ZNF93: variants seen among roughly 807,000 people sequenced by gnomAD.
The protein encoded by ZNF93 is zinc finger protein 93.
Under a neutral mutation model 45.0 loss-of-function variants are expected in ZNF93, and 29 were observed. The ratio of observed to expected loss-of-function variants is 0.64; its 90% CI spans 0.48 to 0.88. ZNF93 has a LOEUF of 0.88. Ranked by LOEUF, ZNF93 falls within the 40% of genes least tolerant of loss-of-function variation. The probability of loss-of-function intolerance (pLI) is 0.00; values close to 1 mark genes in which losing one functional copy is unlikely to be tolerated. For missense variants in ZNF93, 578 were observed against 724.0 expected (o/e 0.80, Z 2.31); for synonymous variants, 223 against 244.6 (o/e 0.91, Z 0.82).
At chr19:19,929,305 T>G (rs2063365370) in intron 3 of ZNF93, among the ~76,000 whole-genome samples, 1 of 152,160 alleles carries the variant, frequency 6.6e-6, no homozygotes, top group Non-Finnish European at 1.5e-5. Context: ...CAATTTTTCT[T>G]TATAAATTAT....
chr19:19,927,553 A>G (rs746255030), intron 3 of ZNF93, among the ~76,000 whole-genome samples: 1 of 152,212 alleles, frequency 6.6e-6, no homozygotes, highest in Non-Finnish European at 1.5e-5. Flanking sequence ...AAGATATCTC[A>G]TAAGTGGAAT....
At chr19:19,917,208 G>A (rs887023851) in intron 3 of ZNF93, among the ~76,000 whole-genome samples, 1 of 151,616 alleles carries the variant, frequency 6.6e-6, no homozygotes, top group African/African-American at 2.4e-5. Flanking sequence ...CACTTTTATT[G>A]TAGTTTCATG....
chr19:19,919,177 C>T (rs1332298676), intron 3 of ZNF93, among the ~76,000 whole-genome samples: 6 of 152,202 alleles, frequency 3.9e-5, no homozygotes, highest in Non-Finnish European at 8.8e-5. Context: ...ATGTGGCTAG[C>T]CAGTTTTCCC....
At chr19:19,929,075 T>C (rs1049251635) in intron 3 of ZNF93, among the ~76,000 whole-genome samples, 1 of 152,178 alleles carries the variant, frequency 6.6e-6, no homozygotes, top group Non-Finnish European at 1.5e-5. Flanking sequence ...TGGTACATCC[T>C]CTCGGTAACC....
intron 3 of ZNF93, among the ~76,000 whole-genome samples, chr19:19,925,396 C>T (rs2063353346): frequency 6.6e-6 from 1 of 152,144 alleles, no homozygotes; most frequent in Admixed American, 6.5e-5. Flanking sequence ...CAGTTGTGAA[C>T]CATAATGCCT....
Position 19,931,997 on chromosome 19 carries a change from T to A in ZNF93, c.227-1185T>A, listed in dbSNP as rs1336531182. ...TTGATATAAAAATTATTTTATATGG[T>A]GTATCTACAGGTGCACGCCTGTTAT... On this transcript the variant is annotated intron_variant, in intron 3 of 3. Transcript: ENST00000343769. The A allele has an allele frequency of 7.8e-6, 3 of 386,398 alleles. No individual in the cohort carries two copies. The East Asian group carries it at 3.4e-4, about 43-fold the overall frequency. 23.9% of individuals were successfully genotyped at this position (386,398 alleles called of 1,614,324 possible). A position where few individuals can be genotyped will look rare whatever the true frequency, so the allele number is the denominator to read the frequency against.
At chr19:19,924,162 A>G (rs2063349811) in intron 3 of ZNF93, among the ~76,000 whole-genome samples, 1 of 152,024 alleles carries the variant, frequency 6.6e-6, no homozygotes. Context: ...ATTTCGGCTC[A>G]CTGCAACCTT....
intron 2 of ZNF93, 23 bp downstream of exon 2, chr19:19,915,429 A>T: frequency 1.2e-6 from 2 of 1,605,832 alleles, no homozygotes; most frequent in South Asian, 2.2e-5. Flanking sequence ...TTAATACATA[A>T]TTCATAATAC....
intron 1 of ZNF93, among the ~76,000 whole-genome samples, chr19:19,905,869 G>A (rs926911049): frequency 3.9e-5 from 6 of 152,092 alleles, no homozygotes; most frequent in African/African-American, 1.5e-4. Flanking sequence ...TGGGATTACA[G>A]GCATGAGCCA....
chr19:19,910,274 A>G (rs1158876190), intron 1 of ZNF93, among the ~76,000 whole-genome samples: 1 of 152,188 alleles, frequency 6.6e-6, no homozygotes, highest in African/African-American at 2.4e-5. Context: ...TCAAACTCAG[A>G]CATTAAAATG....
chr19:19,914,762 C>T (rs2063318622), intron 1 of ZNF93: 1 of 384,434 alleles, frequency 2.6e-6, no homozygotes, highest in Admixed American at 3.5e-5. Flanking sequence ...AACACAGGCT[C>T]TTCCACTTAC....
rs2122198889 is a variant in ZNF93, at chr19:19,933,136, T to C, written c.227-46T>C. ...AGGTTAGATTTGTAAAGTATATTTATCTGAGTCTAGCAATTGAAGTAATGT... is the reference window on the plus strand; with the variant it reads ...AGGTTAGATTTGTAAAGTATATTTACCTGAGTCTAGCAATTGAAGTAATGT... On this transcript the variant is annotated intron_variant, in intron 3 of 3. Coordinates refer to ENST00000343769, the MANE Select transcript of ZNF93 (RefSeq NM_031218.4). 3 of 1,382,260 alleles carry C rather than the reference T, an allele frequency of 2.2e-6. No individual in the cohort carries two copies. In the South Asian group the frequency reaches 5.1e-5, roughly 23 times the overall value. The allele number at this position is 1,382,260 out of a possible 1,614,324, so 85.6% of individuals were successfully genotyped here. A position where few individuals can be genotyped will look rare whatever the true frequency, so the allele number is the denominator to read the frequency against.
At chr19:19,905,065 C>G (rs1321360831) in intron 1 of ZNF93, among the ~76,000 whole-genome samples, 1 of 152,196 alleles carries the variant, frequency 6.6e-6, no homozygotes, top group Non-Finnish European at 1.5e-5. Context: ...CTCCACCAAC[C>G]TAGGGTCTGG....
chr19:19,915,151 T>C, intron 1 of ZNF93, 129 bp from the exon 2 acceptor site: 1 of 1,522,628 alleles, frequency 6.6e-7, no homozygotes, highest in Non-Finnish European at 8.9e-7. Flanking sequence ...TTGAAGATTA[T>C]TTTATTGGAT....
chr19:19,924,384 C>G (rs1020794564), intron 3 of ZNF93, among the ~76,000 whole-genome samples: 1 of 152,070 alleles, frequency 6.6e-6, no homozygotes, highest in African/African-American at 2.4e-5. Context: ...AGCCACCGCA[C>G]CCAGCCGGAT....
intron 1 of ZNF93, 44 bp from the exon 2 acceptor site, chr19:19,915,236 C>T: frequency 6.2e-7 from 1 of 1,611,638 alleles, no homozygotes; most frequent in Non-Finnish European, 8.5e-7. Flanking sequence ...ATTAAAAATT[C>T]CACCCATGGC....
intron 1 of ZNF93, among the ~76,000 whole-genome samples, chr19:19,909,921 T>C (rs1256478369): frequency 6.6e-6 from 1 of 152,254 alleles, no homozygotes; most frequent in Non-Finnish European, 1.5e-5. Context: ...CTGTCACTTC[T>C]AGAGAGGCTA....
At chr19:19,913,780 C>T (rs527785872) in intron 1 of ZNF93, among the ~76,000 whole-genome samples, 2 of 151,904 alleles carry the variant, frequency 1.3e-5, no homozygotes, top group Non-Finnish European at 2.9e-5. Context: ...GTAATTTGTA[C>T]AGAGAATCTC....
intron 1 of ZNF93, among the ~76,000 whole-genome samples, chr19:19,906,022 T>C (rs537036496): frequency 1.2e-4 from 18 of 152,372 alleles, no homozygotes; most frequent in African/African-American, 4.3e-4. Flanking sequence ...TTTATATTTC[T>C]TCGGCCTGAC....
Sources: gnomAD v4.1 joint callset for allele counts (sites outside exome capture counted in the v4.1 genomes callset) on GRCh38, gnomAD v4.1.1 for gene constraint, MANE v1.5 for transcripts, NCBI Gene and HGNC (gene_info 2026-07-23, HGNC 2026-07-21) for gene names.